Variants in HNRNPM observed in about 807,000 individuals in gnomAD.
HNRNPM encodes heterogeneous nuclear ribonucleoprotein M, also known as CEA receptor.
A neutral mutation model predicts 73.1 loss-of-function variants in HNRNPM; 11 were observed. The ratio of observed to expected loss-of-function variants is 0.15; its 90% CI spans 0.09 to 0.25. The LOEUF (loss-of-function observed/expected upper bound fraction) is 0.25, where lower values mean the gene tolerates loss of function less well. Among genes scored for constraint, HNRNPM ranks in the 10% least tolerant of loss-of-function variants. The pLI is 1.00. For synonymous variants in HNRNPM, 407 were observed against 355.2 expected (o/e 1.15, Z -1.64); for missense variants, 789 against 1,067.9 (o/e 0.74, Z 3.64).
chr19:8,452,067 A>T (rs972638735), intron 1 of HNRNPM, among the ~76,000 whole-genome samples: 3 of 152,190 alleles, frequency 2.0e-5, no homozygotes, highest in African/African-American at 7.2e-5. Context: ...CGCTTTCTCA[A>T]TGGTGAGTCA....
chr19:8,454,101 T>G (rs1424921619), intron 1 of HNRNPM, among the ~76,000 whole-genome samples: 1 of 152,146 alleles, frequency 6.6e-6, no homozygotes, highest in African/African-American at 2.4e-5. Context: ...GTGGTTAAAA[T>G]ATACATAAAA....
intron 13 of HNRNPM, 106 bp downstream of exon 13, chr19:8,483,317 G>A (rs183628990): frequency 2.6e-5 from 22 of 834,986 alleles, no homozygotes; most frequent in South Asian, 1.6e-4. Flanking sequence ...CAGACTGCCC[G>A]GGGTGGGAGC....
At chr19:8,451,450 G>A (rs77967193) in intron 1 of HNRNPM, among the ~76,000 whole-genome samples, 5 of 151,812 alleles carry the variant, frequency 3.3e-5, no homozygotes, top group Non-Finnish European at 7.4e-5. Flanking sequence ...TGAGAAAATA[G>A]GATTGGACAT....
chr19:8,455,282 A>G (rs1158979009), intron 1 of HNRNPM, 123 bp from the exon 2 acceptor site: 6 of 816,516 alleles, frequency 7.3e-6, no homozygotes, highest in African/African-American at 5.2e-5. Flanking sequence ...CATCTGACCA[A>G]TACTAGTCTT....
chr19:8,477,575 C>A (rs1386778502), intron 12 of HNRNPM, among the ~76,000 whole-genome samples: 2 of 149,282 alleles, frequency 1.3e-5, no homozygotes, highest in Non-Finnish European at 2.9e-5. Context: ...TGACTTGAGC[C>A]CAGGAGGTCG....
At chr19:8,476,379 C>G (rs77237802) in intron 12 of HNRNPM, among the ~76,000 whole-genome samples, 6,104 of 152,190 alleles carry the variant, frequency 0.04, 273 homozygotes, top group African/African-American at 0.11. Context: ...TAATTCATGA[C>G]TAGAGTGTAG....
intron 12 of HNRNPM, among the ~76,000 whole-genome samples, chr19:8,477,027 T>G (rs1011586713): frequency 2.6e-5 from 4 of 152,196 alleles, no homozygotes; most frequent in Non-Finnish European, 2.9e-5. Context: ...ATTCATAATG[T>G]GCTGCTGCTG....
chr19:8,484,794 G>T (rs1971155267), intron 13 of HNRNPM, among the ~76,000 whole-genome samples: 1 of 152,188 alleles, frequency 6.6e-6, no homozygotes, highest in Admixed American at 6.5e-5. Flanking sequence ...CCCAAACTCG[G>T]CATGTGGAAA....
chr19:8,449,884 A>T (rs1212647748), intron 1 of HNRNPM, among the ~76,000 whole-genome samples: 1 of 152,162 alleles, frequency 6.6e-6, no homozygotes, highest in South Asian at 2.1e-4. Flanking sequence ...CCTCCATAGG[A>T]CCGAGGCCTA....
At chr19:8,449,143 T>G (rs1166494653) in intron 1 of HNRNPM, among the ~76,000 whole-genome samples, 1 of 152,242 alleles carries the variant, frequency 6.6e-6, no homozygotes, top group Non-Finnish European at 1.5e-5. Context: ...TGGAGACACG[T>G]CAGATTGTGA....
intron 1 of HNRNPM, 93 bp from the exon 2 acceptor site, chr19:8,455,312 G>T: frequency 9.1e-7 from 1 of 1,099,646 alleles, no homozygotes; most frequent in East Asian, 2.4e-5. Context: ...GTAACTTTGT[G>T]TGGAATTGTA....
chr19:8,475,043 AATAAT>A (rs892423858), intron 12 of HNRNPM, among the ~76,000 whole-genome samples: 8 of 152,192 alleles, frequency 5.3e-5, no homozygotes, highest in African/African-American at 1.9e-4. Flanking sequence ...GCAGAAATAT[AATAAT>A]ATAATAACAA....
chr19:8,474,516 G>T (rs1206042158), intron 12 of HNRNPM, among the ~76,000 whole-genome samples: 1 of 152,124 alleles, frequency 6.6e-6, no homozygotes, highest in Non-Finnish European at 1.5e-5. Context: ...CACGTTCGTG[G>T]TTATGGTCTC....
intron 13 of HNRNPM, 143 bp downstream of exon 13, chr19:8,483,354 C>T (rs752302311): frequency 1.2e-5 from 8 of 685,566 alleles, no homozygotes; most frequent in South Asian, 1.7e-5. Context: ...AGCTGTGTGA[C>T]GTTTGGCAAG....
chr19:8,462,384 C>A lies in HNRNPM; in HGVS notation c.284-145C>A. ...TACTGCACACCTGTAATGCCTAGTT[C>A]GGTGGTTTAGAGAATATGGAGTGTT... On this transcript the variant is annotated intron_variant, in intron 2 of 15. Coordinates refer to ENST00000325495, the MANE Select transcript of HNRNPM (RefSeq NM_005968.5). The surrounding 1 kb of genome is among the most constrained non-coding windows in gnomAD (Gnocchi z 4.5). 1 of 709,890 alleles carries A rather than the reference C, an allele frequency of 1.4e-6. No individual in the cohort carries two copies. The highest frequency in any genetic ancestry group is 2.6e-6 in the Non-Finnish European group (1 of 390,370). 44.0% of individuals were successfully genotyped at this position (709,890 alleles called of 1,614,324 possible).
At chr19:8,485,500 C>CT in intron 13 of HNRNPM, 103 bp from the exon 14 acceptor site, 1 of 1,167,108 alleles carries the variant, frequency 8.6e-7, no homozygotes, top group South Asian at 1.4e-5. Context: ...TATGGTGGGC[C>CT]TTTACCCCTG....
In HNRNPM at chr19:8,489,029, A is replaced by G. The variant is rs887222477; in HGVS notation, c.*175A>G. 7 of 593,324 alleles carry G rather than the reference A, an allele frequency of 1.2e-5. No homozygotes were observed. The highest frequency in any genetic ancestry group is 1.7e-5 in the Non-Finnish European group (6 of 348,486). 36.8% of individuals were successfully genotyped at this position (593,324 alleles called of 1,614,324 possible). On this transcript the variant is annotated 3_prime_UTR_variant, in exon 16 of 16. Coordinates refer to ENST00000325495, the MANE Select transcript of HNRNPM (RefSeq NM_005968.5). ...GTTCCATTTGACTGTTTGCATTGAG[A>G]TTGCAATGTGCGCAATTTTTTTTGT...
rs1392910130 is a variant in HNRNPM at position 8,462,227 on chromosome 19, T to G, written c.284-302T>G. 2 of 331,696 alleles carry G rather than the reference T, an allele frequency of 6.0e-6. No individual in the cohort carries two copies. Among genetic ancestry groups the G allele is most frequent in the East Asian group, 5.2e-5 (1 of 19,338 alleles). The allele number at this position is 331,696 out of a possible 1,614,324, so 20.5% of individuals were successfully genotyped here. A position where few individuals can be genotyped will look rare whatever the true frequency, so the allele number is the denominator to read the frequency against. On this transcript the variant is annotated intron_variant, in intron 2 of 15. Coordinates refer to ENST00000325495, the MANE Select transcript of HNRNPM (RefSeq NM_005968.5). This position sits in a 1 kb window ranked among gnomAD's most constrained non-coding sequence, Gnocchi z 4.5. Reference sequence around the variant, plus strand: ...AAGTAAATCACGCAGACTTCTTTCCTATAGATTTGGATTGCCTCTAGTCAT... The same window carrying G: ...AAGTAAATCACGCAGACTTCTTTCCGATAGATTTGGATTGCCTCTAGTCAT...
Position 8,488,893 on chromosome 19 carries a change from A to G in HNRNPM, c.*39A>G, listed in dbSNP as rs1470030735. The G allele has an allele frequency of 3.3e-6, 5 of 1,528,492 alleles. No individual in the cohort carries two copies. The highest frequency in any genetic ancestry group is 4.4e-6 in the Non-Finnish European group (5 of 1,123,634). The allele number at this position is 1,528,492 out of a possible 1,614,324, so 94.7% of individuals were successfully genotyped here. ...TTAAACATCGATACGAGACCTCTGA[A>G]TTTGTATTTTTTCTTGTTAACCATT... On this transcript the variant is annotated 3_prime_UTR_variant, in exon 16 of 16. Coordinates refer to ENST00000325495, the MANE Select transcript of HNRNPM (RefSeq NM_005968.5).
Sources: gnomAD v4.1 joint callset for allele counts (sites outside exome capture counted in the v4.1 genomes callset) on GRCh38, gnomAD v4.1.1 for gene constraint, Gnocchi (gnomAD v3.1) non-coding constraint, MANE v1.5 for transcripts, NCBI Gene and HGNC (gene_info 2026-07-23, HGNC 2026-07-21) for gene names.